The following MAP3K15 variants were observed in gnomAD, a reference collection of about 807,000 sequenced individuals.
MAP3K15 encodes MAPK/ERK kinase kinase 15.
A neutral mutation model predicts 99.5 loss-of-function variants in MAP3K15; 124 were observed. That is an observed-to-expected ratio of 1.25 (90% CI 1.08 to 1.45). MAP3K15 has a LOEUF of 1.45. Ranked by LOEUF, MAP3K15 falls within the 40% of genes most tolerant of loss-of-function variation. The probability of loss-of-function intolerance (pLI) is 0.00; values close to 1 mark genes in which losing one functional copy is unlikely to be tolerated. For synonymous variants in MAP3K15, 494 were observed against 439.6 expected (o/e 1.12, Z -1.55); for missense variants, 1,242 against 1,079.7 (o/e 1.15, Z -2.11).
At chrX:19,417,140 C>A (rs185950737) in intron 9 of MAP3K15, among the ~76,000 whole-genome samples, 5 of 112,106 alleles carry the variant, frequency 4.5e-5, no homozygotes, top group Admixed American at 2.8e-4. Flanking sequence ...CGGGTGATTT[C>A]TGCATTTCCA....
intron 25 of MAP3K15, among the ~76,000 whole-genome samples, chrX:19,368,847 T>G (rs771526287): frequency 1.5e-4 from 17 of 110,170 alleles, no homozygotes; most frequent in African/African-American, 5.3e-4. Flanking sequence ...CTGAGTTTTT[T>G]TTTTTTTTTT....
chrX:19,379,265 T>C (rs1412453429), intron 19 of MAP3K15, among the ~76,000 whole-genome samples: 3 of 109,598 alleles, frequency 2.7e-5, no homozygotes, highest in Non-Finnish European at 5.7e-5. Flanking sequence ...TCAAAGAAGA[T>C]AGGGCCTCTA....
At chrX:19,399,689 G>A (rs2063593565) in intron 14 of MAP3K15, among the ~76,000 whole-genome samples, 1 of 99,188 alleles carries the variant, frequency 1.0e-5, no homozygotes, top group South Asian at 4.9e-4. Context: ...AGGCGAGATT[G>A]CGCCACTGCA....
chrX:19,376,377 C>T (rs1326106067), intron 19 of MAP3K15, among the ~76,000 whole-genome samples: 1 of 110,751 alleles, frequency 9.0e-6, no homozygotes, highest in African/African-American at 3.3e-5. Flanking sequence ...CCTCTCTCCT[C>T]TGCCTCCCCG....
chrX:19,504,241 G>A (rs1046601104), intron 1 of MAP3K15, among the ~76,000 whole-genome samples: 4 of 111,444 alleles, frequency 3.6e-5, no homozygotes, highest in African/African-American at 6.5e-5. Flanking sequence ...CACAACAGAC[G>A]AATCCCCAAG....
chrX:19,415,413 A>T (rs925499146), intron 9 of MAP3K15, among the ~76,000 whole-genome samples, 156 bp from the exon 10 acceptor site: 3 of 112,409 alleles, frequency 2.7e-5, no homozygotes, highest in African/African-American at 9.7e-5. Flanking sequence ...CACAAAACTA[A>T]TTAAGAAAAC....
chrX:19,418,405 C>A (rs1475353642), intron 9 of MAP3K15, among the ~76,000 whole-genome samples: 1 of 111,384 alleles, frequency 9.0e-6, no homozygotes, highest in Non-Finnish European at 1.9e-5. Context: ...GCACAAGCCT[C>A]GGTAGCCGAT....
intron 3 of MAP3K15, 57 bp from the exon 4 acceptor site, chrX:19,464,463 T>C: frequency 1.0e-6 from 1 of 967,792 alleles, no homozygotes; most frequent in Admixed American, 2.8e-5. Flanking sequence ...GTGTAGGCTC[T>C]GGGCAGGTGG....
At chrX:19,491,875 G>A (rs896720786) in intron 1 of MAP3K15, among the ~76,000 whole-genome samples, 2 of 109,833 alleles carry the variant, frequency 1.8e-5, no homozygotes, top group African/African-American at 3.3e-5. Flanking sequence ...TAGCAGAGAT[G>A]GGGTTTCACC....
At chrX:19,484,434 T>C (rs1193499887) in intron 3 of MAP3K15, among the ~76,000 whole-genome samples, 1 of 111,917 alleles carries the variant, frequency 8.9e-6, no homozygotes, top group Non-Finnish European at 1.9e-5. Context: ...GATGAAAAGG[T>C]TGGGGACCGC....
At chrX:19,416,464 G>A (rs890599459) in intron 9 of MAP3K15, among the ~76,000 whole-genome samples, 2 of 111,922 alleles carry the variant, frequency 1.8e-5, no homozygotes, top group Non-Finnish European at 3.8e-5. Flanking sequence ...ATTCTTCATT[G>A]TATTTAGTGT....
rs1157583630 is a variant in MAP3K15 at position 19,425,671 on chromosome X, C to G, written c.1299G>C (p.Leu433Phe). ...LRKIGVRLNS[L>F]LGRKGSLEKM... ...TCTCCAAGCTCCCTTTTCTTCCCAA[C>G]AAACTGTTCAGCCGGACACCTTAAG... Residue 433 changes from leucine (L) to phenylalanine (F), a missense_variant, in exon 9 of 29, where the codon TTG becomes TTC. Physicochemically the swap from Leu to Phe is conservative, Grantham distance 22. Transcript: ENST00000338883. 2 of 1,198,166 alleles carry G rather than the reference C, an allele frequency of 1.7e-6. No homozygotes were observed. The highest frequency in any genetic ancestry group is 2.2e-6 in the Non-Finnish European group (2 of 894,009).
At chrX:19,506,545 G>C (rs1490615153) in intron 1 of MAP3K15, among the ~76,000 whole-genome samples, 2 of 111,940 alleles carry the variant, frequency 1.8e-5, no homozygotes, top group Non-Finnish European at 3.8e-5. Context: ...TCTTGAGACG[G>C]AGTCTTGCTC....
At chrX:19,470,204 T>C (rs1294156897) in intron 3 of MAP3K15, among the ~76,000 whole-genome samples, 2 of 111,559 alleles carry the variant, frequency 1.8e-5, no homozygotes, top group African/African-American at 6.5e-5. Flanking sequence ...ATATACACCA[T>C]GGAATACTAT....
intron 1 of MAP3K15, among the ~76,000 whole-genome samples, chrX:19,507,607 A>AAAAAAAAAAAC (rs2064487402): frequency 9.6e-6 from 1 of 103,820 alleles, no homozygotes; most frequent in Admixed American, 1.1e-4. Flanking sequence ...AAAAAAAAAA[A>AAAAAAAAAAAC]AAAGAACAAC....
chrX:19,414,384 TA>T, intron 10 of MAP3K15: 1 of 247,503 alleles, frequency 4.0e-6, no homozygotes, highest in Non-Finnish European at 5.6e-6. Flanking sequence ...ATAATTATCA[TA>T]ATCATTTCAA....
intron 21 of MAP3K15, 169 bp from the exon 22 acceptor site, chrX:19,372,996 C>A (rs2063387458): frequency 2.4e-6 from 1 of 423,839 alleles, no homozygotes; most frequent in Non-Finnish European, 3.9e-6. Context: ...GTTCTGTCAA[C>A]CCCCACAGCA....
chrX:19,360,064 G>GATACA lies in MAP3K15; in HGVS notation c.*680_*684dup, dbSNP rs1555936022. ...GTTCGCGCTGACCATTTCTCTACAA[G>GATACA]ATACAATATTTATTATCAGGCAAGA... On this transcript the variant is annotated 3_prime_UTR_variant, in exon 29 of 29. Transcript: ENST00000338883. The GATACA allele has an allele frequency of 1.1e-5, 2 of 189,398 alleles. No individual in the cohort carries two copies. Among genetic ancestry groups the GATACA allele is most frequent in the East Asian group, 2.9e-4 (2 of 6,805 alleles). The allele number at this position is 189,398 out of a possible 1,213,427, so 15.6% of individuals were successfully genotyped here.
intron 6 of MAP3K15, among the ~76,000 whole-genome samples, chrX:19,449,042 G>A (rs780318640): frequency 2.8e-4 from 31 of 109,633 alleles, no homozygotes; most frequent in Non-Finnish European, 5.2e-4. Flanking sequence ...GTGACCAACA[G>A]CCAGTTAAGA....
Sources: allele counts gnomAD v4.1 joint callset (sites outside exome capture counted in the v4.1 genomes callset), GRCh38; gene constraint gnomAD v4.1.1; transcripts MANE v1.5; gene names NCBI Gene and HGNC (gene_info 2026-07-23, HGNC 2026-07-21).